Variants in TRAPPC9 observed in about 807,000 individuals in gnomAD.
TRAPPC9 encodes IKK2 binding protein.
In TRAPPC9, 83 loss-of-function variants were observed where a neutral mutation model predicts 124.0. The ratio of observed to expected loss-of-function variants is 0.67; its 90% confidence interval spans 0.56 to 0.80. TRAPPC9 has a LOEUF of 0.80. Ranked by LOEUF, TRAPPC9 falls within the 30% of genes least tolerant of loss-of-function variation. The pLI is 0.00. For missense variants in TRAPPC9, 1,302 were observed against 1,508.3 expected (o/e 0.86, Z 2.27); for synonymous variants, 638 against 617.5 (o/e 1.03, Z -0.49).
At chr8:139,937,484 C>T (rs750757696) in intron 19 of TRAPPC9, among the ~76,000 whole-genome samples, 7 of 152,112 alleles carry the variant, frequency 4.6e-5, no homozygotes, top group Non-Finnish European at 7.4e-5. Context: ...CAAGGCGCTG[C>T]GGGGACAGCG....
intron 21 of TRAPPC9, among the ~76,000 whole-genome samples, chr8:139,878,248 C>T (rs1411508057): frequency 6.6e-6 from 1 of 152,020 alleles, no homozygotes; most frequent in Non-Finnish European, 1.5e-5. Context: ...TTTTGTCAAG[C>T]GTAAAAAGGG....
At chr8:140,458,227 T>C (rs1470978269), upstream of TRAPPC9, 11 of 1,550,696 alleles carry the variant, frequency 7.1e-6, no homozygotes, top group Non-Finnish European at 9.6e-6. Context: ...GGAAAGCTTC[T>C]GCACCTGGGG....
intron 17 of TRAPPC9, among the ~76,000 whole-genome samples, chr8:140,054,416 GC>G (rs2132104774): frequency 6.6e-6 from 1 of 152,160 alleles, no homozygotes; most frequent in South Asian, 2.1e-4. Context: ...ATGCAGGAAA[GC>G]AGTACTAAGA....
intron 5 of TRAPPC9, among the ~76,000 whole-genome samples, chr8:140,417,537 C>T (rs993358708): frequency 3.9e-5 from 6 of 152,050 alleles, no homozygotes; most frequent in Admixed American, 3.3e-4. Flanking sequence ...GTTAGACTGG[C>T]GATCATTAAA....
chr8:140,295,411 G>A (rs2065778748), intron 11 of TRAPPC9, among the ~76,000 whole-genome samples: 1 of 152,200 alleles, frequency 6.6e-6, no homozygotes, highest in African/African-American at 2.4e-5. Context: ...GAGCTGCAGG[G>A]CCAGGGTGCA....
chr8:140,048,452 T>C (rs1311410706), intron 17 of TRAPPC9, among the ~76,000 whole-genome samples: 1 of 151,956 alleles, frequency 6.6e-6, no homozygotes, highest in Non-Finnish European at 1.5e-5. Flanking sequence ...TTCTGGACAA[T>C]AGCCCTATGC....
rs574200178 is a variant in TRAPPC9, at chr8:140,175,134, T to C, written c.2556+46325A>G. Among the ~76,000 whole-genome samples, 5 of 152,064 alleles carry C rather than the reference T, an allele frequency of 3.3e-5. No individual in the cohort carries two copies. The East Asian group carries it at 7.8e-4, about 24-fold the overall frequency. On this transcript the variant is annotated intron_variant, in intron 17 of 22. Coordinates refer to ENST00000438773, the MANE Select transcript of TRAPPC9 (RefSeq NM_001160372.4). The stretch of plus-strand genomic sequence containing the variant: ...TCGTCAAATCTCAGAATCTATTCAA[T>C]TACAATTCAATTTCCAACAGACAAC...
chr8:139,971,569 G>A (rs1488899828), intron 19 of TRAPPC9, among the ~76,000 whole-genome samples: 1 of 152,068 alleles, frequency 6.6e-6, no homozygotes, highest in Non-Finnish European at 1.5e-5. Flanking sequence ...GCAGAGGTGG[G>A]TGCTCTATCC....
intron 21 of TRAPPC9, among the ~76,000 whole-genome samples, chr8:139,759,328 G>A (rs1339482547): frequency 6.6e-6 from 1 of 152,162 alleles, no homozygotes; most frequent in East Asian, 1.9e-4. Context: ...TCCTGGCACT[G>A]CACTAGGCTC....
intron 11 of TRAPPC9, among the ~76,000 whole-genome samples, chr8:140,293,267 G>A (rs2065713636): frequency 6.6e-6 from 1 of 150,678 alleles, no homozygotes; most frequent in East Asian, 1.9e-4. Context: ...ACTTTTGGTG[G>A]GACTGTAAAC....
chr8:140,280,396 T>G (rs2065271790), intron 14 of TRAPPC9, among the ~76,000 whole-genome samples: 1 of 152,156 alleles, frequency 6.6e-6, no homozygotes, highest in East Asian at 1.9e-4. Flanking sequence ...AATTTACAAA[T>G]CACTGATACC....
chr8:140,351,310 G>A (rs951633024), intron 9 of TRAPPC9, among the ~76,000 whole-genome samples: 1 of 151,306 alleles, frequency 6.6e-6, no homozygotes, highest in Non-Finnish European at 1.5e-5. Flanking sequence ...TGAGCCCATG[G>A]ATTCAACCAA....
In TRAPPC9 at chr8:139,776,263, A is replaced by G. The variant is rs1161869255; in HGVS notation, c.3056-44061T>C. Among the ~76,000 whole-genome samples the G allele has an allele frequency of 6.6e-6, 1 of 152,164 alleles. No individual in the cohort carries two copies. Among genetic ancestry groups the G allele is most frequent in the Admixed American group, 6.5e-5 (1 of 15,286 alleles). The stretch of plus-strand genomic sequence containing the variant: ...CTGCAGCCTCCCAGTCAGATGACTC[A>G]GCGCACAGATGAACTCAGCCACTCC... On this transcript the variant is annotated intron_variant, in intron 21 of 22. Coordinates refer to ENST00000438773, the MANE Select transcript of TRAPPC9 (RefSeq NM_001160372.4). This position sits in a 1 kb window ranked among gnomAD's most constrained non-coding sequence, Gnocchi z 4.1.
chr8:139,877,334 T>A (rs1235644376), intron 21 of TRAPPC9, among the ~76,000 whole-genome samples: 1 of 152,112 alleles, frequency 6.6e-6, no homozygotes. Context: ...TGGAAGATGG[T>A]CCTCAAAATA....
At chr8:139,991,260 C>G (rs1049024487) in intron 18 of TRAPPC9, among the ~76,000 whole-genome samples, 1 of 152,212 alleles carries the variant, frequency 6.6e-6, no homozygotes, top group South Asian at 2.1e-4. Flanking sequence ...TCACAGAATA[C>G]GGTGCTTACG....
At chr8:140,132,752 A>G (rs1359613400) in intron 17 of TRAPPC9, among the ~76,000 whole-genome samples, 2 of 151,724 alleles carry the variant, frequency 1.3e-5, no homozygotes, top group Admixed American at 1.3e-4. Context: ...GAAAGGTGCA[A>G]GTGGGAGGCT....
chr8:139,890,483 C>T (rs1401503555), intron 20 of TRAPPC9, among the ~76,000 whole-genome samples: 4 of 152,224 alleles, frequency 2.6e-5, no homozygotes, highest in Non-Finnish European at 5.9e-5. Context: ...AACCAGGTTC[C>T]TAGGCATCTC....
At chr8:140,171,229 C>G (rs772423449) in intron 17 of TRAPPC9, among the ~76,000 whole-genome samples, 1 of 152,120 alleles carries the variant, frequency 6.6e-6, no homozygotes, top group Non-Finnish European at 1.5e-5. Flanking sequence ...TCTTAATATT[C>G]TTATGCATAA....
At chr8:139,973,964 G>A (rs1315069951) in intron 19 of TRAPPC9, among the ~76,000 whole-genome samples, 2 of 152,184 alleles carry the variant, frequency 1.3e-5, no homozygotes, top group Non-Finnish European at 2.9e-5. Context: ...AATGGCAGGT[G>A]AGCAAGGGCA....
Sources: gnomAD v4.1 joint callset for allele counts (sites outside exome capture counted in the v4.1 genomes callset) on GRCh38, gnomAD v4.1.1 for gene constraint, Gnocchi (gnomAD v3.1) non-coding constraint, MANE v1.5 for transcripts, NCBI Gene and HGNC (gene_info 2026-07-23, HGNC 2026-07-21) for gene names.